Variants in PPP2R2C observed in about 807,000 individuals in gnomAD.
PPP2R2C encodes protein phosphatase 2, regulatory subunit B, gamma.
Under a neutral mutation model 45.3 loss-of-function variants are expected in PPP2R2C, and 10 were observed. The observed-to-expected ratio is 0.22, with a 90% CI of 0.14 to 0.37. The LOEUF (loss-of-function observed/expected upper bound fraction) is 0.37. Ranked by LOEUF, PPP2R2C falls within the 10% of genes least tolerant of loss-of-function variation. The probability of loss-of-function intolerance (pLI) is 1.00; values close to 1 mark genes in which losing one functional copy is unlikely to be tolerated. For synonymous variants in PPP2R2C, 257 were observed against 245.4 expected (o/e 1.05, Z -0.44); for missense variants, 308 against 619.7 (o/e 0.50, Z 5.34).
rs1721849715 is a variant in PPP2R2C, at chr4:6,471,059, G to A, written c.70+1101C>T. Among the ~76,000 whole-genome samples the A allele has an allele frequency of 6.6e-6, 1 of 152,120 alleles. No individual in the cohort carries two copies. Among genetic ancestry groups the A allele is most frequent in the Non-Finnish European group, 1.5e-5 (1 of 67,994 alleles). ...AGGCTTCGAGGAGGCGGACCCAGCC[G>A]CAGGAGCCCGGTCTCCGCCGCCTGG... On this transcript the variant is annotated intron_variant, in intron 1 of 8. Coordinates refer to ENST00000382599, the MANE Select transcript of PPP2R2C (RefSeq NM_020416.4). The surrounding 1 kb of genome is among the most constrained non-coding windows in gnomAD (Gnocchi z 5.6).
intron 1 of PPP2R2C, among the ~76,000 whole-genome samples, chr4:6,403,855 T>C (rs1271924511): frequency 1.1e-4 from 13 of 118,540 alleles, no homozygotes; most frequent in African/African-American, 1.0e-4. Flanking sequence ...AGAGTGAAAC[T>C]CCGCCTCAGA....
intron 1 of PPP2R2C, among the ~76,000 whole-genome samples, chr4:6,388,171 G>T (rs1421667731): frequency 1.3e-5 from 2 of 152,186 alleles, no homozygotes; most frequent in Non-Finnish European, 2.9e-5. Context: ...TTCCTGGGCA[G>T]CTCTAGGGCA....
At chr4:6,418,714 T>C (rs945970279) in intron 1 of PPP2R2C, among the ~76,000 whole-genome samples, 2 of 152,214 alleles carry the variant, frequency 1.3e-5, no homozygotes, top group African/African-American at 2.4e-5. Flanking sequence ...TGGTGTGTCA[T>C]GGAAGTCACT....
intron 2 of PPP2R2C, among the ~76,000 whole-genome samples, chr4:6,514,517 G>A (rs530242064): frequency 1.3e-5 from 2 of 151,998 alleles, no homozygotes; most frequent in Non-Finnish European, 2.9e-5. Context: ...TGGCCCCAGG[G>A]CCCTTGGTTT....
Position 6,320,650 on chromosome 4 carries a change from A to G in PPP2R2C, c.*2652T>C, listed in dbSNP as rs1158418056. The G allele has an allele frequency of 6.6e-6, 1 of 152,562 alleles. No homozygotes were observed. The highest frequency in any genetic ancestry group is 1.5e-5 in the Non-Finnish European group (1 of 68,050). The allele number at this position is 152,562 out of a possible 1,614,324, so 9.5% of individuals were successfully genotyped here. A position where few individuals can be genotyped will look rare whatever the true frequency, so the allele number is the denominator to read the frequency against. On this transcript the variant is annotated 3_prime_UTR_variant, in exon 9 of 9. Coordinates refer to ENST00000382599, the MANE Select transcript of PPP2R2C (RefSeq NM_020416.4). ...AACATATTTATAGTTTTATTCAACA[A>G]TTGGGTAATTTGTGAGACACCAAAG...
chr4:6,388,760 T>G (rs1004422312), intron 1 of PPP2R2C, among the ~76,000 whole-genome samples: 6 of 152,152 alleles, frequency 3.9e-5, no homozygotes, highest in African/African-American at 1.4e-4. Context: ...AACAGAGTCC[T>G]CCCTGGAGCC....
chr4:6,329,469 G>A lies in PPP2R2C; in HGVS notation c.961-116C>T. 1 of 833,964 alleles carries A rather than the reference G, an allele frequency of 1.2e-6. No homozygotes were observed. The highest frequency in any genetic ancestry group is 2.6e-5 in the East Asian group (1 of 38,734). 51.7% of individuals were successfully genotyped at this position (833,964 alleles called of 1,614,324 possible). A position where few individuals can be genotyped will look rare whatever the true frequency, so the allele number is the denominator to read the frequency against. On this transcript the variant is annotated intron_variant, in intron 7 of 8. Transcript: ENST00000382599. This position sits in a 1 kb window ranked among gnomAD's most constrained non-coding sequence, Gnocchi z 5.8. ...GCATGCCCTGACATGGCCCAGCGCAGACCTGCTCATCTCAGCGAGGGTCTG... is the reference window on the plus strand; with the variant it reads ...GCATGCCCTGACATGGCCCAGCGCAAACCTGCTCATCTCAGCGAGGGTCTG...
chr4:6,349,204 G>A (rs1012764301), intron 5 of PPP2R2C: 6 of 985,250 alleles, frequency 6.1e-6, no homozygotes, highest in African/African-American at 5.2e-5. Flanking sequence ...CGGTCTCCCC[G>A]GCCCTGCATG....
chr4:6,552,341 G>T (rs1459059427), intron 1 of PPP2R2C, among the ~76,000 whole-genome samples: 4 of 152,178 alleles, frequency 2.6e-5, no homozygotes, highest in African/African-American at 9.7e-5. Flanking sequence ...GTCAAGGTGT[G>T]GGCAGGGCTG....
chr4:6,466,889 G>A (rs1162682397), intron 1 of PPP2R2C, among the ~76,000 whole-genome samples: 1 of 152,202 alleles, frequency 6.6e-6, no homozygotes, highest in African/African-American at 2.4e-5. Context: ...AAAGAAAGGA[G>A]CACATTGCTT....
intron 1 of PPP2R2C, 158 bp from the exon 2 acceptor site, chr4:6,381,252 G>A (rs781121560): frequency 7.8e-5 from 120 of 1,534,566 alleles, no homozygotes; most frequent in East Asian, 1.7e-4. Flanking sequence ...GAGCATCGGC[G>A]AGGGGCCACC....
intron 1 of PPP2R2C, among the ~76,000 whole-genome samples, chr4:6,544,160 G>C (rs1724899195): frequency 6.6e-6 from 1 of 152,226 alleles, no homozygotes; most frequent in Admixed American, 6.5e-5. Context: ...AGAGCAGAAA[G>C]ACAGTGGAGC....
Position 6,535,159 on chromosome 4 carries a change from T to C in PPP2R2C, c.49+112A>G. On this transcript the variant is annotated intron_variant, in intron 2 of 9. Transcript: ENST00000506140. ...GGGGAGGGACCGGATCCCAGCACGG[T>C]GGGGTCGGCTTCCCGCTGTCAGGCT... The C allele has an allele frequency of 2.4e-6, 3 of 1,237,364 alleles. No individual in the cohort carries two copies. In the South Asian group the frequency reaches 4.0e-5, roughly 16 times the overall value. The allele number at this position is 1,237,364 out of a possible 1,614,324, so 76.6% of individuals were successfully genotyped here. A position where few individuals can be genotyped will look rare whatever the true frequency, so the allele number is the denominator to read the frequency against.
chr4:6,553,742 G>T (rs1172713888), intron 1 of PPP2R2C, among the ~76,000 whole-genome samples: 2 of 152,182 alleles, frequency 1.3e-5, no homozygotes, highest in Non-Finnish European at 2.9e-5. Context: ...GGGCTGCCAT[G>T]CTCAGTAGAC....
At chr4:6,448,572 G>A (rs906379326) in intron 1 of PPP2R2C, among the ~76,000 whole-genome samples, 8 of 151,982 alleles carry the variant, frequency 5.3e-5, no homozygotes, top group Non-Finnish European at 1.5e-5. Flanking sequence ...CATCTGGATC[G>A]CCCTTCTCTC....
At chr4:6,489,740 A>G (rs1254599972) in intron 2 of PPP2R2C, among the ~76,000 whole-genome samples, 1 of 152,096 alleles carries the variant, frequency 6.6e-6, no homozygotes, top group Non-Finnish European at 1.5e-5. Flanking sequence ...CCAGTCCACT[A>G]CTCAACAAGT....
Position 6,329,877 on chromosome 4 carries a change from C to T in PPP2R2C, c.961-524G>A, listed in dbSNP as rs138278554. 0.011 allele frequency among the ~76,000 whole-genome samples: 1,693 copies of T among 152,298 alleles called. 13 individuals are homozygous for T. Among genetic ancestry groups the T allele is most frequent in the Admixed American group, 0.02 (305 of 15,298 alleles). ...ATTTCATCTCTCTGAGCCTCAGTTT[C>T]TTCAAACTTAAAGTGATAAGAGGGC... On this transcript the variant is annotated intron_variant, in intron 7 of 8. Transcript: ENST00000382599. This position sits in a 1 kb window ranked among gnomAD's most constrained non-coding sequence, Gnocchi z 5.8.
At chr4:6,380,954 C>A in intron 2 of PPP2R2C, 43 bp downstream of exon 2, 2 of 1,466,998 alleles carry the variant, frequency 1.4e-6, no homozygotes, top group Non-Finnish European at 1.8e-6. Flanking sequence ...CCTGACTCTG[C>A]TCCCCACCCC....
chr4:6,365,251 G>T (rs1425818076), intron 5 of PPP2R2C, among the ~76,000 whole-genome samples: 1 of 152,232 alleles, frequency 6.6e-6, no homozygotes, highest in Admixed American at 6.5e-5. Flanking sequence ...CAGAGCTGGA[G>T]TAAGAACCCA....
Sources: gnomAD v4.1 joint callset for allele counts (sites outside exome capture counted in the v4.1 genomes callset) on GRCh38, gnomAD v4.1.1 for gene constraint, Gnocchi (gnomAD v3.1) non-coding constraint, MANE v1.5 for transcripts, NCBI Gene and HGNC (gene_info 2026-07-23, HGNC 2026-07-21) for gene names.